The following VWA7 variants were observed in gnomAD, a reference collection of about 807,000 sequenced individuals.
VWA7 encodes the protein von Willebrand factor A domain containing 7.
Under a neutral mutation model 83.1 loss-of-function variants are expected in VWA7, and 66 were observed. The observed-to-expected ratio is 0.79, with a 90% CI of 0.65 to 0.98. The LOEUF (loss-of-function observed/expected upper bound fraction) is 0.98. VWA7 is among the 50% of genes least tolerant of loss of function. The pLI, the probability that VWA7 is intolerant of heterozygous loss-of-function variation, is 0.00. For missense variants in VWA7, 1,080 were observed against 1,160.2 expected, an observed-to-expected ratio of 0.93 and a Z score of 1.00; for synonymous variants, 424 against 488.5, an observed-to-expected ratio of 0.87 and a Z score of 1.74.
At chr6:31,765,856 C>G (rs1811485028) in intron 16 of VWA7, 27 bp downstream of exon 16, 3 of 1,611,422 alleles carry the variant, frequency 1.9e-6, no homozygotes, top group South Asian at 2.2e-5. Context: ...CTTGCCCACC[C>G]TGTGATGGAA....
At position 31,776,085 on chromosome 6, in the gene VWA7, T is replaced by C. The variant is rs778155354; in HGVS notation, c.392A>G (p.Glu131Gly). The change falls in exon 3 of 17, where the codon GAG (glutamate) becomes GGG (glycine). Residue 131 changes from glutamate (E) to glycine (G), a missense_variant. Coordinates refer to ENST00000375688, the MANE Select transcript of VWA7 (RefSeq NM_025258.3). The surrounding 1 kb of genome is among the most constrained non-coding windows in gnomAD (Gnocchi z 6.2). ...RNDPDLHFDA[E>G]RLGQGRARLV... ...GCGCGCGCGTCCCTGACCCAGTCGC[T>C]CAGCATCAAAGTGCAGGTCGGGGTC... 1.2e-6 allele frequency: 2 copies of C among 1,613,860 alleles called. No individual in the cohort carries two copies. The highest frequency in any genetic ancestry group is 2.2e-5 in the South Asian group (2 of 91,058).
At position 31,772,939 on chromosome 6, in the gene VWA7, C is replaced by A; in HGVS notation, c.1087+15G>T. Reference sequence around the variant, plus strand: ...ATTTTCCTCCCCTCTACTGTCCTAGCCAGACCACACTTACCTGGGTCATGA... The same window carrying A: ...ATTTTCCTCCCCTCTACTGTCCTAGACAGACCACACTTACCTGGGTCATGA... On this transcript the variant is annotated intron_variant, in intron 7 of 16. Transcript: ENST00000375688. The A allele has an allele frequency of 6.2e-7, 1 of 1,607,954 alleles. No homozygotes were observed. Among genetic ancestry groups the A allele is most frequent in the Non-Finnish European group, 8.5e-7 (1 of 1,179,246 alleles).
chr6:31,769,925 G>T lies in VWA7; in HGVS notation c.1200+76C>A. 1 of 1,513,208 alleles carries T rather than the reference G, an allele frequency of 6.6e-7. No homozygotes were observed. The highest frequency in any genetic ancestry group is 9.2e-7 in the Non-Finnish European group (1 of 1,092,206). The allele number at this position is 1,513,208 out of a possible 1,614,324, so 93.7% of individuals were successfully genotyped here. On this transcript the variant is annotated intron_variant, in intron 8 of 16. Transcript: ENST00000375688. The surrounding 1 kb of genome is among the most constrained non-coding windows in gnomAD (Gnocchi z 4.5). ...GCTAGTGGATCTAGGTGCTGAAGGT[G>T]GTGGGGAGCCCCAGGAGGGATCTAG...
At chr6:31,767,562 G>A (rs1345194346) in intron 11 of VWA7, 48 bp from the exon 12 acceptor site, 34 of 1,599,736 alleles carry the variant, frequency 2.1e-5, no homozygotes, top group Non-Finnish European at 2.7e-5. Flanking sequence ...CTCTCCTTGA[G>A]TACATCCCCT....
rs762140247 is a variant in VWA7, at chr6:31,766,584, G to A, written c.2063C>T (p.Ser688Leu). The A allele has an allele frequency of 4.3e-6, 7 of 1,612,868 alleles. No individual in the cohort carries two copies. The highest frequency in any genetic ancestry group is 1.3e-5 in the African/African-American group (1 of 74,940). Residue 688 changes from serine to leucine, a missense_variant, in exon 14 of 17, where the codon TCG (serine) becomes TTG (leucine). Transcript: ENST00000375688. The surrounding 1 kb of genome is among the most constrained non-coding windows in gnomAD (Gnocchi z 4.9). Reference sequence around the variant, plus strand: ...TCTAGGGGTGGACAGCAGCGTGGGCGACAGCGAGGCTGCGAGGAGACCTCG... The same window carrying A: ...TCTAGGGGTGGACAGCAGCGTGGGCAACAGCGAGGCTGCGAGGAGACCTCG... ...PERGLLAASL[S>L]PTLLSTPRPF...
Position 31,777,217 on chromosome 6 carries a change from C to A in VWA7, c.-124G>T. Reference sequence around the variant, plus strand: ...CAGCAGAGGGGGAGGAAGGCCTCAACAGGGTGGGGGAGGACAGGCAACCCC... The same window carrying A: ...CAGCAGAGGGGGAGGAAGGCCTCAAAAGGGTGGGGGAGGACAGGCAACCCC... On this transcript the variant is annotated 5_prime_UTR_variant, in exon 1 of 17. Coordinates refer to ENST00000375688, the MANE Select transcript of VWA7 (RefSeq NM_025258.3). This position sits in a 1 kb window ranked among gnomAD's most constrained non-coding sequence, Gnocchi z 5.8. 2.4e-6 allele frequency: 1 copy of A among 408,394 alleles called. No individual in the cohort carries two copies. The highest frequency in any genetic ancestry group is 4.4e-6 in the Non-Finnish European group (1 of 225,868). 25.3% of individuals were successfully genotyped at this position (408,394 alleles called of 1,614,324 possible). A position where few individuals can be genotyped will look rare whatever the true frequency, so the allele number is the denominator to read the frequency against.
chr6:31,767,511 AC>A lies in VWA7; in HGVS notation c.1639del (p.Val547SerfsTer12), dbSNP rs780693096. 7.5e-6 allele frequency: 12 copies of A among 1,607,286 alleles called. No individual in the cohort carries two copies. Among genetic ancestry groups the A allele is most frequent in the African/African-American group, 1.3e-5 (1 of 74,732 alleles). Reference sequence around the variant, plus strand: ...CCCGCCTTCCTCCTGGCCCTGGGAGACCCCTGGGGTCAGGGAAGAGATTGTC... The same window carrying A: ...CCCGCCTTCCTCCTGGCCCTGGGAGACCCTGGGGTCAGGGAAGAGATTGTC... ...SSFWIKNPAG[V>X]SQGQEEGGGP... On this transcript the variant is annotated frameshift_variant and splice_region_variant, in exon 12 of 17. Coordinates refer to ENST00000375688, the MANE Select transcript of VWA7 (RefSeq NM_025258.3). LOFTEE classifies it high-confidence loss of function.
At position 31,766,996 on chromosome 6, in the gene VWA7, A is replaced by G. The variant is rs1013585841; in HGVS notation, c.1882+162T>C. On this transcript the variant is annotated intron_variant, in intron 13 of 16. Transcript: ENST00000375688. This position sits in a 1 kb window ranked among gnomAD's most constrained non-coding sequence, Gnocchi z 4.9. ...TCCATCAAACTGTACACTTTAGTGC[A>G]CATTATGTAAATTATAACTCAATAT... is the stretch of plus-strand genomic sequence containing the variant. Among the ~76,000 whole-genome samples, 4 of 150,970 alleles carry G rather than the reference A, an allele frequency of 2.6e-5. No individual in the cohort carries two copies. In the East Asian group the frequency reaches 7.7e-4, roughly 29 times the overall value.
At chr6:31,771,576 G>C (rs1812177736) in intron 7 of VWA7, 1 of 152,204 alleles carries the variant, frequency 6.6e-6, no homozygotes, top group South Asian at 2.1e-4. Context: ...TCAAGCCAGA[G>C]AGTCTAACTT....
In VWA7 at chr6:31,766,748, C is replaced by A. The variant is rs754441625; in HGVS notation, c.1899G>T (p.Leu633=). The part of the protein sequence containing the change: ...TQPVAGLQTQ[L]LVEVTGLGSR... ...AACCCAACCCTGTCACTTCTACCAG[C>A]AGCTGGGTCTGAAGACCTGGGACAG... The change falls in exon 14 of 17, where the codon CTG becomes CTT. Residue 633 remains leucine, a synonymous_variant. Coordinates refer to ENST00000375688, the MANE Select transcript of VWA7 (RefSeq NM_025258.3). This position sits in a 1 kb window ranked among gnomAD's most constrained non-coding sequence, Gnocchi z 4.9. 17 of 1,603,510 alleles carry A rather than the reference C, an allele frequency of 1.1e-5. No homozygotes were observed. The highest frequency in any genetic ancestry group is 1.4e-5 in the Non-Finnish European group (17 of 1,172,604).
In VWA7 at chr6:31,769,979, G is replaced by A; in HGVS notation, c.1200+22C>T. ...CCCCTGGTGGTGGGGCCAGGAAACGGGGAAGAAGGGAGGGGCCAGACCTGC... is the reference window on the plus strand; with the variant it reads ...CCCCTGGTGGTGGGGCCAGGAAACGAGGAAGAAGGGAGGGGCCAGACCTGC... On this transcript the variant is annotated intron_variant, in intron 8 of 16. Transcript: ENST00000375688. The surrounding 1 kb of genome is among the most constrained non-coding windows in gnomAD (Gnocchi z 4.5). 2 of 1,610,204 alleles carry A rather than the reference G, an allele frequency of 1.2e-6. No individual in the cohort carries two copies. Among genetic ancestry groups the A allele is most frequent in the Non-Finnish European group, 1.7e-6 (2 of 1,177,682 alleles).
chr6:31,769,713 TG>T lies in VWA7; in HGVS notation c.1278del (p.Asn427ThrfsTer6), dbSNP rs1421166073. 1 of 1,612,884 alleles carries T rather than the reference TG, an allele frequency of 6.2e-7. No homozygotes were observed. The highest frequency in any genetic ancestry group is 2.2e-5 in the East Asian group (1 of 44,888). ...TCCTGAGTCAGGGATTCCACCTGGT[TG>T]GTGAGAAAGGCATCCTTGGGGGAGG... ...TDASPKDAFL[T>X]NQVESLTQER... On this transcript the variant is annotated frameshift_variant, in exon 9 of 17. Transcript: ENST00000375688. LOFTEE classifies it high-confidence loss of function. The surrounding 1 kb of genome is among the most constrained non-coding windows in gnomAD (Gnocchi z 4.5).
chr6:31,774,441 C>A, intron 5 of VWA7, 75 bp downstream of exon 5: 1 of 1,386,104 alleles, frequency 7.2e-7, no homozygotes, highest in African/African-American at 1.4e-5. Context: ...CAAAGGCATA[C>A]GGGCCTACAG....
In VWA7 at chr6:31,769,887, A is replaced by G; in HGVS notation, c.1201-96T>C. ...AAGCAGAAGGGAATATGGCCCGGGA[A>G]CCCTACAGTGAAGCTAGTGGATCTA... On this transcript the variant is annotated intron_variant, in intron 8 of 16. Transcript: ENST00000375688. This position sits in a 1 kb window ranked among gnomAD's most constrained non-coding sequence, Gnocchi z 4.5. The G allele has an allele frequency of 6.8e-7, 1 of 1,481,170 alleles. No individual in the cohort carries two copies. The highest frequency in any genetic ancestry group is 9.4e-7 in the Non-Finnish European group (1 of 1,062,742). The allele number at this position is 1,481,170 out of a possible 1,614,324, so 91.8% of individuals were successfully genotyped here. A position where few individuals can be genotyped will look rare whatever the true frequency, so the allele number is the denominator to read the frequency against.
In VWA7 at chr6:31,770,093, T is replaced by C. The variant is rs758798616; in HGVS notation, c.1108A>G (p.Thr370Ala). Residue 370 changes from threonine (T) to alanine (A), a missense_variant, in exon 8 of 17, where the codon ACC (threonine) becomes GCC (alanine). Physicochemically the swap from Thr to Ala is moderately conservative, Grantham distance 58. Transcript: ENST00000375688. Reference sequence around the variant, plus strand: ...TGCCAGAAGCTGTCAGGGTCACTGGTTGTAAAGACAGGGCCGAACCCTGGG... The same window carrying C: ...TGCCAGAAGCTGTCAGGGTCACTGGCTGTAAAGACAGGGCCGAACCCTGGG... ...HDPGFGPVFTTSDPDSFWQQL... is the reference protein window; with the variant it reads ...HDPGFGPVFTASDPDSFWQQL... 6.2e-7 allele frequency: 1 copy of C among 1,612,726 alleles called. No individual in the cohort carries two copies. Among genetic ancestry groups the C allele is most frequent in the East Asian group, 2.2e-5 (1 of 44,844 alleles).
chr6:31,766,079 C>T lies in VWA7; in HGVS notation c.2325-22G>A, dbSNP rs1811530602. 3 of 1,612,152 alleles carry T rather than the reference C, an allele frequency of 1.9e-6. No individual in the cohort carries two copies. Among genetic ancestry groups the T allele is most frequent in the Non-Finnish European group, 8.5e-7 (1 of 1,179,588 alleles). On this transcript the variant is annotated intron_variant, in intron 15 of 16. Transcript: ENST00000375688. This position sits in a 1 kb window ranked among gnomAD's most constrained non-coding sequence, Gnocchi z 4.9. ...AGCCCTGGAGAGAGGATATAGGCGT[C>T]GCTAAAGCTCCAGGCTGCCCAGAGC...
In VWA7 at chr6:31,766,157, G is replaced by C; in HGVS notation, c.2324+88C>G. ...GGGAGCGGAGAGGAGGATTCTGAGG[G>C]CCAGTCGGAGGGGGACAGGGGCAGG... On this transcript the variant is annotated intron_variant, in intron 15 of 16. Transcript: ENST00000375688. This position sits in a 1 kb window ranked among gnomAD's most constrained non-coding sequence, Gnocchi z 4.9. 1 of 1,592,062 alleles carries C rather than the reference G, an allele frequency of 6.3e-7. No homozygotes were observed. Among genetic ancestry groups the C allele is most frequent in the Non-Finnish European group, 8.6e-7 (1 of 1,167,756 alleles).
At chr6:31,767,055 A>C (rs1429390170) in intron 13 of VWA7, 103 bp downstream of exon 13, 1 of 376,176 alleles carries the variant, frequency 2.7e-6, no homozygotes, top group Non-Finnish European at 4.8e-6. Context: ...GTATGTATAC[A>C]TATATACATT....
Position 31,773,415 on chromosome 6 carries a change from A to T in VWA7, c.744T>A (p.His248Gln). The T allele has an allele frequency of 1.9e-6, 3 of 1,599,512 alleles. No individual in the cohort carries two copies. The highest frequency in any genetic ancestry group is 2.6e-6 in the Non-Finnish European group (3 of 1,173,444). ...KPPGKCSHGG[H>Q]FDRSSSQPPR... ...GTGGCTGGGAGCTGCTCCGGTCAAA[A>T]TGGCCCCCGTGGCTACATTTCCCTG... The change falls in exon 6 of 17, where the codon CAT becomes CAA. Residue 248 changes from histidine to glutamine, a missense_variant. Coordinates refer to ENST00000375688, the MANE Select transcript of VWA7 (RefSeq NM_025258.3). The surrounding 1 kb of genome is among the most constrained non-coding windows in gnomAD (Gnocchi z 5.3).
Sources: allele counts gnomAD v4.1 joint callset (sites outside exome capture counted in the v4.1 genomes callset), GRCh38; gene constraint gnomAD v4.1.1; non-coding constraint Gnocchi (gnomAD v3.1); transcripts MANE v1.5; gene names NCBI Gene and HGNC (gene_info 2026-07-23, HGNC 2026-07-21).